UTS2B: variants seen among roughly 807,000 people sequenced by gnomAD.
UTS2B encodes urotensin 2B.
A neutral mutation model predicts 19.2 loss-of-function variants in UTS2B; 21 were observed. The observed-to-expected ratio is 1.09, with a 90% CI of 0.78 to 1.58. The LOEUF (loss-of-function observed/expected upper bound fraction) is 1.58. Ranked by LOEUF, UTS2B falls within the 40% of genes most tolerant of loss-of-function variation. The pLI, the probability that UTS2B is intolerant of heterozygous loss-of-function variation, is 0.00. For synonymous variants in UTS2B, 57 were observed against 50.2 expected (o/e 1.14, Z -0.58); for missense variants, 138 against 130.3 (o/e 1.06, Z -0.29).
rs142392472 is a variant in UTS2B, at chr3:191,307,786, C to T, written c.-181-3238G>A. 8.6e-5 allele frequency among the ~76,000 whole-genome samples: 13 copies of T among 152,022 alleles called. 1 individual carries two copies. The highest frequency in any genetic ancestry group is 2.7e-4 in the African/African-American group (11 of 41,456). ...GTCTCTCTTCTTTGTCAGTCAGCACCTTATGTAGGTGCTTTTTCTTTTTTC... is the reference window on the plus strand; with the variant it reads ...GTCTCTCTTCTTTGTCAGTCAGCACTTTATGTAGGTGCTTTTTCTTTTTTC... On this transcript the variant is annotated intron_variant, in intron 3 of 8. Transcript: ENST00000340524.
At chr3:191,309,464 C>T (rs192137668) in intron 3 of UTS2B, among the ~76,000 whole-genome samples, 3 of 152,286 alleles carry the variant, frequency 2.0e-5, no homozygotes, top group Non-Finnish European at 2.9e-5. Context: ...TGAGCCACCT[C>T]GCCTGGCCTC....
At chr3:191,325,928 T>C (rs1399775798) in intron 2 of UTS2B, among the ~76,000 whole-genome samples, 2 of 152,188 alleles carry the variant, frequency 1.3e-5, no homozygotes, top group African/African-American at 4.8e-5. Context: ...CAGTCTGTGG[T>C]ATTTTGTTAT....
At position 191,267,194 on chromosome 3, in the gene UTS2B, G is replaced by C. The variant is rs375430588; in HGVS notation, c.*1222C>G. On this transcript the variant is annotated 3_prime_UTR_variant, in exon 9 of 9. Transcript: ENST00000340524. ...GCTTTTCAAAATGTTTTAATTAATA[G>C]TTCAACAGCATAGTCACAACAGGAC... 4 of 152,260 alleles carry C rather than the reference G, an allele frequency of 2.6e-5. No homozygotes were observed. The highest frequency in any genetic ancestry group is 4.1e-4 in the South Asian group (2 of 4,822). The allele number at this position is 152,260 out of a possible 1,614,324, so 9.4% of individuals were successfully genotyped here.
chr3:191,327,706 G>A (rs4677627), intron 2 of UTS2B, among the ~76,000 whole-genome samples: 5,574 of 152,234 alleles, frequency 0.037, 226 homozygotes, highest in East Asian at 0.2. Context: ...GGTCAAAGGG[G>A]CCTAGTGATT....
chr3:191,294,397 C>A (rs1716803367), intron 4 of UTS2B, among the ~76,000 whole-genome samples: 1 of 151,770 alleles, frequency 6.6e-6, no homozygotes, highest in Non-Finnish European at 1.5e-5. Context: ...AGAAAAAAAA[C>A]TCTCTAAGCC....
At chr3:191,289,144 TCAC>T (rs965469735) in intron 4 of UTS2B, among the ~76,000 whole-genome samples, 1 of 152,112 alleles carries the variant, frequency 6.6e-6, no homozygotes, top group African/African-American at 2.4e-5. Flanking sequence ...GCGCAGTGGC[TCAC>T]GCCTGTAATC....
At chr3:191,329,569 G>C in intron 1 of UTS2B, 1 of 1,190,838 alleles carries the variant, frequency 8.4e-7, no homozygotes, top group Non-Finnish European at 1.2e-6. Flanking sequence ...CCTGCCGGCC[G>C]GACTTTGCGC....
chr3:191,313,252 C>T (rs77563662), intron 3 of UTS2B, among the ~76,000 whole-genome samples: 16 of 152,206 alleles, frequency 1.1e-4, no homozygotes, highest in African/African-American at 3.9e-4. Context: ...ACCTCGGCCT[C>T]CCAAAGTGCT....
At chr3:191,345,830 C>T in the UTS2B span, among the ~76,000 whole-genome samples, 12 of 152,202 alleles carry the variant, frequency 7.9e-5, no homozygotes, top group African/African-American at 2.4e-4. Flanking sequence ...AATGATTCTT[C>T]GCAGTGTGTT....
the UTS2B span, among the ~76,000 whole-genome samples, chr3:191,341,393 A>C: frequency 6.6e-6 from 1 of 152,206 alleles, no homozygotes; most frequent in Non-Finnish European, 1.5e-5. Context: ...TGAGGTTCAA[A>C]GAAATTAAGT....
the UTS2B span, among the ~76,000 whole-genome samples, chr3:191,336,664 A>G: frequency 6.6e-6 from 1 of 152,112 alleles, no homozygotes. Flanking sequence ...GCCCTACTTG[A>G]TATTAGCTAA....
intron 3 of UTS2B, among the ~76,000 whole-genome samples, chr3:191,315,495 A>T (rs1008319147): frequency 6.6e-6 from 1 of 152,186 alleles, no homozygotes. Flanking sequence ...ATAGTGTCGG[A>T]ATTGGATTGG....
chr3:191,333,195 A>G (rs1718045607), upstream of UTS2B, among the ~76,000 whole-genome samples: 1 of 152,194 alleles, frequency 6.6e-6, no homozygotes, highest in Non-Finnish European at 1.5e-5. Context: ...GTAGCTAGCT[A>G]TTCTGGGAGC....
At chr3:191,272,624 G>C (rs1046221706) in intron 8 of UTS2B, among the ~76,000 whole-genome samples, 1 of 151,684 alleles carries the variant, frequency 6.6e-6, no homozygotes, top group African/African-American at 2.4e-5. Context: ...ACTTTGGGAG[G>C]CAGAAGCGGG....
intron 4 of UTS2B, among the ~76,000 whole-genome samples, chr3:191,303,935 A>G (rs887327108): frequency 2.0e-5 from 3 of 152,108 alleles, no homozygotes; most frequent in Non-Finnish European, 2.9e-5. Context: ...TCAATGGGGA[A>G]GGATATATTG....
intron 8 of UTS2B, among the ~76,000 whole-genome samples, chr3:191,269,864 T>A (rs1716039444): frequency 6.6e-6 from 1 of 152,248 alleles, no homozygotes; most frequent in Non-Finnish European, 1.5e-5. Flanking sequence ...CAAAGGGAAC[T>A]GTCATGAGTC....
At chr3:191,273,729 G>C (rs371996357) in intron 8 of UTS2B, among the ~76,000 whole-genome samples, 1 of 152,114 alleles carries the variant, frequency 6.6e-6, no homozygotes, top group East Asian at 1.9e-4. Context: ...CCTTTCTCTT[G>C]TACTTTCTTC....
At chr3:191,272,125 G>C (rs1046401558) in intron 8 of UTS2B, among the ~76,000 whole-genome samples, 12 of 152,194 alleles carry the variant, frequency 7.9e-5, no homozygotes, top group Admixed American at 7.2e-4. Context: ...GTCAACATAT[G>C]TAAGACCTCA....
At chr3:191,326,098 T>C (rs1189583498) in intron 2 of UTS2B, among the ~76,000 whole-genome samples, 1 of 152,230 alleles carries the variant, frequency 6.6e-6, no homozygotes, top group African/African-American at 2.4e-5. Flanking sequence ...AGTATAGTTC[T>C]GTGGGTCCCC....
Sources: gnomAD v4.1 joint callset for allele counts (sites outside exome capture counted in the v4.1 genomes callset) on GRCh38, gnomAD v4.1.1 for gene constraint, MANE v1.5 for transcripts, NCBI Gene and HGNC (gene_info 2026-07-23, HGNC 2026-07-21) for gene names.